FBXW10: variants seen among roughly 807,000 people sequenced by gnomAD.
The protein encoded by FBXW10 is F-box and WD repeat domain containing 10, also known as F-box/WD repeat-containing protein 10.
In FBXW10, 68 loss-of-function variants were observed where a neutral mutation model predicts 113.1. That is an observed-to-expected ratio of 0.60 (90% CI 0.49 to 0.74). FBXW10 has a LOEUF of 0.74. Among genes scored for constraint, FBXW10 ranks in the 30% least tolerant of loss-of-function variants. FBXW10 has a pLI of 0.00. For missense variants in FBXW10, 753 were observed against 1,284.5 expected (o/e 0.59, Z 6.32); for synonymous variants, 289 against 481.6 (o/e 0.60, Z 5.24).
rs752873990 is a variant in FBXW10, at chr17:18,744,417, T to C, written c.173T>C (p.Val58Ala). The C allele has an allele frequency of 1.2e-6, 2 of 1,613,788 alleles. No individual in the cohort carries two copies. Among genetic ancestry groups the C allele is most frequent in the South Asian group, 2.2e-5 (2 of 91,060 alleles). Reference protein sequence around the residue: ...INDISQRRFLVGILKQLNSLY... With the variant: ...INDISQRRFLAGILKQLNSLY... ...GACATATCACAGAGGAGGTTTCTAGTTGGCATTCTGAAGCAGTTAAATAGC... is the reference window on the plus strand; with the variant it reads ...GACATATCACAGAGGAGGTTTCTAGCTGGCATTCTGAAGCAGTTAAATAGC... Residue 58 changes from valine (V) to alanine (A), a missense_variant, in exon 1 of 14, where the codon GTT (valine) becomes GCT (alanine). By Grantham distance (64) the Val-to-Ala change is moderately conservative (BLOSUM62 0). Transcript: ENST00000395665.
intron 11 of FBXW10, among the ~76,000 whole-genome samples, chr17:18,771,431 G>T (rs2035611511): frequency 6.6e-6 from 1 of 152,168 alleles, no homozygotes; most frequent in African/African-American, 2.4e-5. Context: ...AGGCAGTGCT[G>T]TGGGGGCACA....
intron 8 of FBXW10, among the ~76,000 whole-genome samples, chr17:18,766,204 T>C (rs2035493423): frequency 1.3e-5 from 2 of 152,140 alleles, no homozygotes; most frequent in South Asian, 4.1e-4. Flanking sequence ...TATTTAAAAA[T>C]GTAAGTGAGG....
intron 10 of FBXW10, chr17:18,769,685 G>A: frequency 2.1e-6 from 1 of 470,128 alleles, no homozygotes; most frequent in Non-Finnish European, 3.8e-6. Context: ...ACTGAGACAG[G>A]AGAATCGCTT....
At chr17:18,749,113 A>G (rs2035103396) in intron 2 of FBXW10, among the ~76,000 whole-genome samples, 2 of 152,052 alleles carry the variant, frequency 1.3e-5, no homozygotes, top group Non-Finnish European at 2.9e-5. Context: ...CCCTTTCTTA[A>G]GTTGTTTAAA....
intron 6 of FBXW10, 85 bp downstream of exon 6, chr17:18,756,239 C>G: frequency 7.8e-7 from 1 of 1,283,688 alleles, no homozygotes; most frequent in Non-Finnish European, 1.1e-6. Flanking sequence ...CCTTTGTGTA[C>G]ATGGAAAGGC....
intron 5 of FBXW10, among the ~76,000 whole-genome samples, chr17:18,751,440 C>T (rs2035169344): frequency 6.6e-6 from 1 of 151,988 alleles, no homozygotes; most frequent in African/African-American, 2.4e-5. Context: ...CCGTGTTAGC[C>T]CAGATGGTCT....
At chr17:18,758,824 G>A (rs1392336422) in intron 7 of FBXW10, among the ~76,000 whole-genome samples, 3 of 42,660 alleles carry the variant, frequency 7.0e-5, no homozygotes, top group East Asian at 4.6e-4. Context: ...TCAGGGGAAC[G>A]TGGTTTTTAT....
At chr17:18,748,281 G>A (rs947915477) in intron 2 of FBXW10, among the ~76,000 whole-genome samples, 176 bp downstream of exon 2, 22 of 152,076 alleles carry the variant, frequency 1.4e-4, no homozygotes, top group South Asian at 6.2e-4. Flanking sequence ...TTAGCCAGGC[G>A]CAGTGGCAGG....
chr17:18,757,152 A>T (rs1243988144), intron 6 of FBXW10, among the ~76,000 whole-genome samples: 1 of 152,224 alleles, frequency 6.6e-6, no homozygotes, highest in Non-Finnish European at 1.5e-5. Flanking sequence ...ACACACATAT[A>T]TATGTAGTTT....
At chr17:18,754,304 C>A (rs2035221510) in intron 5 of FBXW10, among the ~76,000 whole-genome samples, 1 of 152,132 alleles carries the variant, frequency 6.6e-6, no homozygotes, top group Non-Finnish European at 1.5e-5. Flanking sequence ...TTGGGAGAAT[C>A]CAGGGCAGCA....
chr17:18,756,539 C>T (rs994651128), intron 6 of FBXW10, among the ~76,000 whole-genome samples: 2 of 151,832 alleles, frequency 1.3e-5, no homozygotes, highest in African/African-American at 4.8e-5. Flanking sequence ...TAGTCTATCA[C>T]CTAGCAATAA....
At position 18,778,904 on chromosome 17, in the gene FBXW10, T is replaced by A; in HGVS notation, c.2765T>A (p.Leu922Ter). 6.2e-7 allele frequency: 1 copy of A among 1,613,652 alleles called. No homozygotes were observed. Among genetic ancestry groups the A allele is most frequent in the Non-Finnish European group, 8.5e-7 (1 of 1,179,808 alleles). ...ATCCGCTCCAGGTTCTCTGGCAGCT[T>A]AAAGGGTGGAGACCAAGTGACCAGT... ...MIIRSRFSGS[L>*]KGGDQVTSSI... is the part of the protein sequence containing the mutation. Residue 922 changes from leucine (L) to a stop codon, truncating the protein, a stop_gained, in exon 14 of 14, where the codon TTA becomes TAA. Transcript: ENST00000395665. LOFTEE classifies it high-confidence loss of function.
rs1287311598 is a variant in FBXW10, at chr17:18,747,253, TTC to T, written c.506-682_506-681del. 5.3e-5 allele frequency among the ~76,000 whole-genome samples: 8 copies of T among 152,158 alleles called. No homozygotes were observed. The South Asian group carries it at 6.2e-4, about 12-fold the overall frequency. ...CAACCTTCTCTTTTCTTAGAGCAGA[TTC>T]TCTCTTAAAAAATTAAATGTTCTGG... On this transcript the variant is annotated intron_variant, in intron 1 of 13. Coordinates refer to ENST00000395665, the MANE Select transcript of FBXW10 (RefSeq NM_001267585.2).
chr17:18,772,928 CTTTTTT>C (rs940811811), intron 12 of FBXW10, among the ~76,000 whole-genome samples: 53 of 135,642 alleles, frequency 3.9e-4, no homozygotes, highest in Non-Finnish European at 6.6e-4. Flanking sequence ...TTCTTTCTTT[CTTTTTT>C]TTTTTTTTTT....
At position 18,779,122 on chromosome 17, in the gene FBXW10, G is replaced by A. The variant is rs1227496781; in HGVS notation, c.2983G>A (p.Glu995Lys). ...GCTGTTGACCGTGAAGGAGGAGAAGGAGCACCAGGAAGCCAAGATGAAGGA... is the reference window on the plus strand; with the variant it reads ...GCTGTTGACCGTGAAGGAGGAGAAGAAGCACCAGGAAGCCAAGATGAAGGA... ...FVLLTVKEEK[E>K]HQEAKMKEYQ... Residue 995 changes from glutamate to lysine, a missense_variant, in exon 14 of 14, where the codon GAG (glutamate) becomes AAG (lysine). By Grantham distance (56) the Glu-to-Lys change is moderately conservative. Transcript: ENST00000395665. 1.5e-6 allele frequency: 2 copies of A among 1,348,070 alleles called. No individual in the cohort carries two copies. Among genetic ancestry groups the A allele is most frequent in the African/African-American group, 3.3e-5 (2 of 61,320 alleles). 83.5% of individuals were successfully genotyped at this position (1,348,070 alleles called of 1,614,324 possible). A position where few individuals can be genotyped will look rare whatever the true frequency, so the allele number is the denominator to read the frequency against.
intron 6 of FBXW10, 71 bp from the exon 7 acceptor site, chr17:18,758,234 T>G: frequency 8.0e-7 from 1 of 1,255,860 alleles, no homozygotes; most frequent in Non-Finnish European, 1.1e-6. Flanking sequence ...GCAAAAGTCA[T>G]GGGGCTAAGT....
At chr17:18,760,541 T>G (rs369895576) in intron 7 of FBXW10, among the ~76,000 whole-genome samples, 2 of 130,700 alleles carry the variant, frequency 1.5e-5, no homozygotes, top group South Asian at 2.5e-4. Flanking sequence ...CGGTGGCTCA[T>G]GCCTGTAAGC....
intron 12 of FBXW10, among the ~76,000 whole-genome samples, chr17:18,774,339 G>A (rs2035666266): frequency 1.3e-5 from 2 of 152,222 alleles, no homozygotes; most frequent in Admixed American, 6.5e-5. Flanking sequence ...TGTCACATAC[G>A]TCAGTTTAGA....
Position 18,750,154 on chromosome 17 carries a change from T to G in FBXW10, c.999+17T>G. 1 of 1,592,902 alleles carries G rather than the reference T, an allele frequency of 6.3e-7. No homozygotes were observed. The highest frequency in any genetic ancestry group is 8.6e-7 in the Non-Finnish European group (1 of 1,166,212). On this transcript the variant is annotated intron_variant, in intron 4 of 13. Coordinates refer to ENST00000395665, the MANE Select transcript of FBXW10 (RefSeq NM_001267585.2). ...TTCTTGCAGGTACTTCCTGCAAGTCTGAAAGGGGAATGTCTGAGACCAGCT... is the reference window on the plus strand; with the variant it reads ...TTCTTGCAGGTACTTCCTGCAAGTCGGAAAGGGGAATGTCTGAGACCAGCT...
Sources: gnomAD v4.1 joint callset for allele counts (sites outside exome capture counted in the v4.1 genomes callset) on GRCh38, gnomAD v4.1.1 for gene constraint, MANE v1.5 for transcripts, NCBI Gene and HGNC (gene_info 2026-07-23, HGNC 2026-07-21) for gene names.